Variants in PARD3 observed in about 807,000 individuals in gnomAD.
PARD3 encodes par-3 family cell polarity regulator.
A neutral mutation model predicts 155.4 loss-of-function variants in PARD3; 75 were observed. That is an observed-to-expected ratio of 0.48 (90% CI 0.40 to 0.58). The LOEUF (loss-of-function observed/expected upper bound fraction) is 0.58. Ranked by LOEUF, PARD3 falls within the 20% of genes least tolerant of loss-of-function variation. The pLI, the probability that PARD3 is intolerant of heterozygous loss-of-function variation, is 0.00. For missense variants in PARD3, 1,642 were observed against 1,721.7 expected (o/e 0.95, Z 0.82); for synonymous variants, 576 against 610.5 (o/e 0.94, Z 0.83).
chr10:34,372,423 G>A (rs1435953899), intron 12 of PARD3, 75 bp downstream of exon 12: 3 of 1,090,582 alleles, frequency 2.8e-6, no homozygotes, highest in African/African-American at 1.5e-5. Context: ...AAGTAACTTC[G>A]TATTAAATTA....
intron 2 of PARD3, among the ~76,000 whole-genome samples, chr10:34,683,329 C>T (rs1238581617): frequency 6.6e-6 from 1 of 151,942 alleles, no homozygotes; most frequent in Non-Finnish European, 1.5e-5. Flanking sequence ...AGGCTCAAAT[C>T]CCATCATCAC....
intron 2 of PARD3, among the ~76,000 whole-genome samples, chr10:34,611,557 G>C (rs1270736416): frequency 6.6e-6 from 1 of 152,058 alleles, no homozygotes; most frequent in Non-Finnish European, 1.5e-5. Context: ...AAATTAACTT[G>C]ACAAATCACA....
At chr10:34,447,573 C>T (rs532187091) in intron 5 of PARD3, among the ~76,000 whole-genome samples, 4 of 141,902 alleles carry the variant, frequency 2.8e-5, no homozygotes, top group African/African-American at 5.2e-5. Flanking sequence ...AAGGCCGAGG[C>T]GGGCAGATCA....
rs559138796 is a variant in PARD3, at chr10:34,361,864, A to G, written c.1708-1605T>C. Among the ~76,000 whole-genome samples, 6 of 152,342 alleles carry G rather than the reference A, an allele frequency of 3.9e-5. No homozygotes were observed. In the South Asian group the frequency reaches 1.2e-3, roughly 32 times the overall value. ...AAAATTAAAACTTATATAATGAAGA[A>G]CTCAAAATAAGAATCTGAAAAAATA... On this transcript the variant is annotated intron_variant, in intron 12 of 24. Coordinates refer to ENST00000374788, the MANE Select transcript of PARD3 (RefSeq NM_001184785.2).
chr10:34,306,448 G>C (rs904872148), intron 20 of PARD3, among the ~76,000 whole-genome samples: 9 of 152,038 alleles, frequency 5.9e-5, no homozygotes, highest in Non-Finnish European at 1.2e-4. Context: ...TCAGGAGTTT[G>C]AGACCAGCCT....
chr10:34,531,422 T>C (rs1029992233), intron 2 of PARD3, among the ~76,000 whole-genome samples: 3 of 152,220 alleles, frequency 2.0e-5, no homozygotes, highest in African/African-American at 7.2e-5. Flanking sequence ...TCTCCAGCTT[T>C]AAATCCTTCA....
chr10:34,471,936 T>C (rs1429124759), intron 3 of PARD3, among the ~76,000 whole-genome samples: 1 of 152,130 alleles, frequency 6.6e-6, no homozygotes, highest in Non-Finnish European at 1.5e-5. Context: ...ACTGGTGCAC[T>C]GGTCAATGGT....
intron 2 of PARD3, among the ~76,000 whole-genome samples, chr10:34,597,816 C>T (rs2089429260): frequency 1.3e-5 from 2 of 152,266 alleles, no homozygotes; most frequent in African/African-American, 4.8e-5. Flanking sequence ...CTGGGGGCAT[C>T]ACTGTCTCCA....
At position 34,129,682 on chromosome 10, in the gene PARD3, TTTTGTAATGTCAAGCCTC is replaced by T. The variant is rs1451681251; in HGVS notation, c.3540+1763_3540+1780del. On this transcript the variant is annotated intron_variant, in intron 23 of 24. Coordinates refer to ENST00000374788, the MANE Select transcript of PARD3 (RefSeq NM_001184785.2). ...TTCCTCAAATCAAATGTTCCTTTTTTTTTGTAATGTCAAGCCTCTTTTTTTTTTTTTTTTTTGAGCCAG... is the reference window on the plus strand; with the variant it reads ...TTCCTCAAATCAAATGTTCCTTTTTTTTTTTTTTTTTTTTTTTTGAGCCAG... Among the ~76,000 whole-genome samples, 77 of 90,300 alleles carry T rather than the reference TTTTGTAATGTCAAGCCTC, an allele frequency of 8.5e-4. 9 individuals are homozygous for T. Among genetic ancestry groups the T allele is most frequent in the Non-Finnish European group, 9.2e-4 (33 of 35,774 alleles). The allele number at this position is 90,300 out of a possible 152,430, so 59.2% of individuals were successfully genotyped here. A position where few individuals can be genotyped will look rare whatever the true frequency, so the allele number is the denominator to read the frequency against.
intron 2 of PARD3, among the ~76,000 whole-genome samples, chr10:34,524,462 T>C (rs1302713042): frequency 6.6e-6 from 1 of 152,228 alleles, no homozygotes; most frequent in Non-Finnish European, 1.5e-5. Flanking sequence ...CTGTTGTCCC[T>C]CAGGGTGACA....
chr10:34,155,668 A>ATGTGTGTGTG lies in PARD3; in HGVS notation c.3420-24095_3420-24086dup, dbSNP rs3039232. 0.016 allele frequency among the ~76,000 whole-genome samples: 2,208 copies of ATGTGTGTGTG among 140,372 alleles called. 88 individuals carry two copies. In the East Asian group the frequency reaches 0.16, roughly 10 times the overall value. 92.1% of individuals were successfully genotyped at this position (140,372 alleles called of 152,430 possible). A position where few individuals can be genotyped will look rare whatever the true frequency, so the allele number is the denominator to read the frequency against. ...TTCAGAAACCACAAGCCCTCTAAAAATGTGTGTGTGTGTGTGTGTGTGTGT... is the reference window on the plus strand; with the variant it reads ...TTCAGAAACCACAAGCCCTCTAAAAATGTGTGTGTGTGTGTGTGTGTGTGTGTGTGTGTGT... On this transcript the variant is annotated intron_variant, in intron 22 of 24. Transcript: ENST00000374788.
At chr10:34,592,041 T>C (rs1349000873) in intron 2 of PARD3, among the ~76,000 whole-genome samples, 2 of 152,202 alleles carry the variant, frequency 1.3e-5, no homozygotes, top group Non-Finnish European at 2.9e-5. Context: ...TCTTCACTTC[T>C]AGATTCCAAA....
At chr10:34,476,361 G>C (rs2078703902) in intron 3 of PARD3, among the ~76,000 whole-genome samples, 1 of 152,180 alleles carries the variant, frequency 6.6e-6, no homozygotes, top group South Asian at 2.1e-4. Flanking sequence ...TGTGCCAAGT[G>C]ATCTCTACAT....
At chr10:34,785,234 T>G (rs1166083498) in intron 1 of PARD3, among the ~76,000 whole-genome samples, 1 of 152,222 alleles carries the variant, frequency 6.6e-6, no homozygotes, top group Non-Finnish European at 1.5e-5. Context: ...AAATGAGATA[T>G]AACTTTATCT....
intron 22 of PARD3, among the ~76,000 whole-genome samples, chr10:34,195,316 A>G (rs893497250): frequency 6.6e-6 from 1 of 152,212 alleles, no homozygotes. Context: ...CACACTGAGC[A>G]AAGTGTCTAC....
intron 12 of PARD3, among the ~76,000 whole-genome samples, chr10:34,361,193 G>A (rs1294910880): frequency 6.6e-6 from 1 of 152,200 alleles, no homozygotes; most frequent in Non-Finnish European, 1.5e-5. Flanking sequence ...AGGCTAGGAT[G>A]CTTGTTCAAG....
intron 5 of PARD3, among the ~76,000 whole-genome samples, chr10:34,422,363 T>C (rs2075359476): frequency 6.6e-6 from 1 of 152,086 alleles, no homozygotes; most frequent in Non-Finnish European, 1.5e-5. Flanking sequence ...ATTCAAGACA[T>C]GCTAGTTCTT....
At chr10:34,801,218 A>C (rs938131976) in intron 1 of PARD3, among the ~76,000 whole-genome samples, 1 of 152,174 alleles carries the variant, frequency 6.6e-6, no homozygotes, top group African/African-American at 2.4e-5. Context: ...TAGGAAACTA[A>C]AACTTGGAAT....
intron 2 of PARD3, among the ~76,000 whole-genome samples, chr10:34,682,619 G>A (rs1432391031): frequency 6.6e-6 from 1 of 152,156 alleles, no homozygotes; most frequent in East Asian, 1.9e-4. Flanking sequence ...ACTTTTGGGA[G>A]GCTGAGGCAG....
Sources: gnomAD v4.1 joint callset for allele counts (sites outside exome capture counted in the v4.1 genomes callset) on GRCh38, gnomAD v4.1.1 for gene constraint, MANE v1.5 for transcripts, NCBI Gene and HGNC (gene_info 2026-07-23, HGNC 2026-07-21) for gene names.